MAST4: variants seen among roughly 807,000 people sequenced by gnomAD.
MAST4 encodes the protein microtubule-associated serine/threonine-protein kinase 4.
MAST4 carries 89 observed loss-of-function variants against 162.7 expected under a neutral mutation model. The ratio of observed to expected loss-of-function variants is 0.55; its 90% CI spans 0.46 to 0.65. The LOEUF is 0.65. Ranked by LOEUF, MAST4 falls within the 30% of genes least tolerant of loss-of-function variation. The pLI is 0.00. For missense variants in MAST4, 3,153 were observed against 3,374.0 expected, an observed-to-expected ratio of 0.93 and a Z score of 1.62; for synonymous variants, 1,479 against 1,361.1, an observed-to-expected ratio of 1.09 and a Z score of -1.91.
At chr5:67,082,188 C>T (rs1055727795) in intron 5 of MAST4, among the ~76,000 whole-genome samples, 1 of 134,964 alleles carries the variant, frequency 7.4e-6, no homozygotes, top group East Asian at 2.1e-4. Context: ...CTCACTCTGT[C>T]GTCAGGCTGG....
In MAST4 at chr5:66,985,970, G is replaced by C. The variant is rs547310320; in HGVS notation, c.675-68434G>C. Among the ~76,000 whole-genome samples the C allele has an allele frequency of 2.6e-5, 4 of 152,206 alleles. No individual in the cohort carries two copies. The East Asian group carries it at 7.7e-4, about 29-fold the overall frequency. ...GTGTGTAGAACTACTCATTCATCCT[G>C]TAAACATATATTGATTGCCAATAAT... On this transcript the variant is annotated intron_variant, in intron 4 of 28. Transcript: ENST00000403625.
intron 1 of MAST4, among the ~76,000 whole-genome samples, chr5:66,678,141 G>A (rs1748080572): frequency 6.6e-6 from 1 of 152,050 alleles, no homozygotes; most frequent in African/African-American, 2.4e-5. Context: ...TATGTTAACT[G>A]AAATAAGCCA....
intron 4 of MAST4, among the ~76,000 whole-genome samples, chr5:66,922,117 A>G (rs964655914): frequency 6.6e-6 from 1 of 152,174 alleles, no homozygotes; most frequent in African/African-American, 2.4e-5. Flanking sequence ...AAATGGCTCT[A>G]TCAGTGGGAA....
At chr5:66,709,805 G>C (rs1324165226) in intron 1 of MAST4, among the ~76,000 whole-genome samples, 1 of 152,118 alleles carries the variant, frequency 6.6e-6, no homozygotes, top group African/African-American at 2.4e-5. Context: ...TACTAGCTTT[G>C]TGTTTCCTAA....
Position 66,992,600 on chromosome 5 carries a change from A to G in MAST4, c.675-61804A>G, listed in dbSNP as rs534955686. 2.0e-5 allele frequency among the ~76,000 whole-genome samples: 3 copies of G among 152,350 alleles called. No homozygotes were observed. The East Asian group carries it at 5.8e-4, about 29-fold the overall frequency. On this transcript the variant is annotated intron_variant, in intron 4 of 28. Transcript: ENST00000403625. ...ATCAACTAAACGTTAATTCTTACTT[A>G]TCAATCTCATCTAAAGCCTTAGGTG...
chr5:66,692,493 T>C (rs1749112353), intron 1 of MAST4, among the ~76,000 whole-genome samples: 1 of 151,968 alleles, frequency 6.6e-6, no homozygotes, highest in Non-Finnish European at 1.5e-5. Context: ...CATGTTCATC[T>C]TCCATCCCTG....
chr5:67,153,878 A>G (rs980680809), intron 26 of MAST4, among the ~76,000 whole-genome samples: 4 of 152,220 alleles, frequency 2.6e-5, no homozygotes, highest in Non-Finnish European at 5.9e-5. Context: ...AGAGTCACCT[A>G]TCCTGAAGGT....
intron 3 of MAST4, among the ~76,000 whole-genome samples, chr5:66,849,921 T>C (rs529679292): frequency 6.6e-6 from 1 of 152,288 alleles, no homozygotes; most frequent in Non-Finnish European, 1.5e-5. Flanking sequence ...TCTCTCAAGG[T>C]CTGCTTAGAT....
intron 17 of MAST4, among the ~76,000 whole-genome samples, chr5:67,133,948 G>T (rs1769300477): frequency 6.6e-6 from 1 of 152,246 alleles, no homozygotes; most frequent in East Asian, 1.9e-4. Context: ...AGGAATTCAG[G>T]AGTCTCAGTA....
chr5:66,673,974 G>A (rs1747792778), intron 1 of MAST4, among the ~76,000 whole-genome samples: 1 of 152,164 alleles, frequency 6.6e-6, no homozygotes, highest in East Asian at 1.9e-4. Flanking sequence ...ATTATATAAT[G>A]TAAGGCTCTC....
chr5:66,796,806 T>G (rs1240454776), intron 3 of MAST4, among the ~76,000 whole-genome samples: 1 of 152,136 alleles, frequency 6.6e-6, no homozygotes, highest in East Asian at 1.9e-4. Flanking sequence ...AGATGATCCA[T>G]AGGGTGGTAA....
intron 26 of MAST4, among the ~76,000 whole-genome samples, chr5:67,158,346 C>T (rs1420442909): frequency 2.0e-5 from 3 of 152,098 alleles, no homozygotes; most frequent in Admixed American, 6.5e-5. Context: ...GAAGTTAAAG[C>T]CCCCTTTCCC....
intron 4 of MAST4, among the ~76,000 whole-genome samples, chr5:67,053,738 TAATTTATTTCTATGCTCTG>T (rs1361714399): frequency 6.6e-6 from 1 of 152,202 alleles, no homozygotes; most frequent in African/African-American, 2.4e-5. Flanking sequence ...CCATGTGTAG[TAATTTATTTCTATGCTCTG>T]GGTACTCAGG....
intron 1 of MAST4, among the ~76,000 whole-genome samples, chr5:66,692,484 A>T (rs1489748773): frequency 1.3e-5 from 2 of 150,934 alleles, no homozygotes; most frequent in Non-Finnish European, 2.9e-5. Context: ...GGAATAGCCC[A>T]TGTTCATCTT....
At chr5:66,981,430 C>T (rs1375123629) in intron 4 of MAST4, among the ~76,000 whole-genome samples, 1 of 152,150 alleles carries the variant, frequency 6.6e-6, no homozygotes, top group African/African-American at 2.4e-5. Flanking sequence ...TCTGAGGCTC[C>T]GTCTGGGACT....
At chr5:67,045,724 G>A (rs1166985605) in intron 4 of MAST4, among the ~76,000 whole-genome samples, 6 of 152,130 alleles carry the variant, frequency 3.9e-5, no homozygotes, top group East Asian at 1.9e-4. Flanking sequence ...CTGTATATAC[G>A]CTCCAATTAG....
chr5:66,840,259 A>G (rs559170555), intron 3 of MAST4, among the ~76,000 whole-genome samples: 5 of 152,144 alleles, frequency 3.3e-5, no homozygotes, highest in African/African-American at 1.2e-4. Context: ...TTATCTTAAC[A>G]TTTTTCATGA....
intron 15 of MAST4, 87 bp from the exon 16 acceptor site, chr5:67,131,726 A>AT: frequency 7.3e-7 from 1 of 1,373,906 alleles, no homozygotes; most frequent in Admixed American, 1.9e-5. Context: ...GGTAGAGATG[A>AT]TTTCACCTTG....
At chr5:66,733,174 A>G (rs1221721883) in intron 1 of MAST4, among the ~76,000 whole-genome samples, 1 of 152,022 alleles carries the variant, frequency 6.6e-6, no homozygotes, top group Non-Finnish European at 1.5e-5. Flanking sequence ...TACAGGCATT[A>G]CATGTAAGAC....
Sources: gnomAD v4.1 joint callset for allele counts (sites outside exome capture counted in the v4.1 genomes callset) on GRCh38, gnomAD v4.1.1 for gene constraint, MANE v1.5 for transcripts, NCBI Gene and HGNC (gene_info 2026-07-23, HGNC 2026-07-21) for gene names.